Variants in MAU2 observed in about 807,000 individuals in gnomAD.
MAU2 encodes the protein MAU2 sister chromatid cohesion factor.
A neutral mutation model predicts 89.1 loss-of-function variants in MAU2; 9 were observed. The observed-to-expected ratio is 0.10, with a 90% CI of 0.06 to 0.18. MAU2 has a LOEUF of 0.18. Ranked by LOEUF, MAU2 falls within the 10% of genes least tolerant of loss-of-function variation. MAU2 has a pLI of 1.00. For synonymous variants in MAU2, 357 were observed against 343.4 expected, an observed-to-expected ratio of 1.04 and a Z score of -0.44; for missense variants, 425 against 803.5, an observed-to-expected ratio of 0.53 and a Z score of 5.69.
Position 19,356,464 on chromosome 19 carries a change from C to CGGTG in MAU2, c.*682_*683insGGTG. ...GCAGGTGATTGTAAACACGGGTGTG[C>CGGTG]ATGTGGATGCACACGGGTGTGCGGT... On this transcript the variant is annotated 3_prime_UTR_variant, in exon 19 of 19. Transcript: ENST00000262815. 1.3e-5 allele frequency: 3 copies of CGGTG among 228,370 alleles called. No individual in the cohort carries two copies. Among genetic ancestry groups the CGGTG allele is most frequent in the South Asian group, 5.4e-5 (1 of 18,670 alleles). 14.1% of individuals were successfully genotyped at this position (228,370 alleles called of 1,614,324 possible). A position where few individuals can be genotyped will look rare whatever the true frequency, so the allele number is the denominator to read the frequency against.
intron 1 of MAU2, among the ~76,000 whole-genome samples, chr19:19,326,719 TAC>T (rs1555792863): frequency 3.5e-5 from 1 of 28,644 alleles, no homozygotes; most frequent in Non-Finnish European, 1.1e-4. Context: ...TATATATATA[TAC>T]ATATATATAT....
rs752523449 is a variant in MAU2 at position 19,321,084 on chromosome 19, C to T, written c.225C>T (p.Leu75=). 3 of 1,611,130 alleles carry T rather than the reference C, an allele frequency of 1.9e-6. No homozygotes were observed. The highest frequency in any genetic ancestry group is 2.5e-6 in the Non-Finnish European group (3 of 1,178,966). Residue 75 remains leucine, a synonymous_variant, in exon 1 of 19, where the codon CTC becomes CTT. Transcript: ENST00000262815. ...CACACCTGCAGCTGGGCTCCGTTCT[C>T]TATCACCACACCAAGAACAGCGAGC... ...ARTHLQLGSV[L]YHHTKNSEQA...
At chr19:19,329,074 C>T (rs1324566885) in intron 1 of MAU2, 1 of 456,044 alleles carries the variant, frequency 2.2e-6, no homozygotes, top group Non-Finnish European at 4.4e-6. Context: ...ATCTATGGTT[C>T]ACTTTCTCAG....
At chr19:19,336,690 G>A (rs1205045404) in intron 3 of MAU2, among the ~76,000 whole-genome samples, 1 of 152,126 alleles carries the variant, frequency 6.6e-6, no homozygotes, top group Non-Finnish European at 1.5e-5. Flanking sequence ...TAAGACTGTT[G>A]GAAAGATCAG....
chr19:19,331,222 G>A (rs945219087), intron 1 of MAU2, among the ~76,000 whole-genome samples: 15 of 151,758 alleles, frequency 9.9e-5, no homozygotes, highest in African/African-American at 3.4e-4. Flanking sequence ...AAAAACACCC[G>A]GGCACGGTGG....
Position 19,335,705 on chromosome 19 carries a change from C to T in MAU2, c.277-13C>T. ...TTGCCTGAGAATTAATCGTTGTTTT[C>T]TTTCTTTTTCAGTGGTTGATATCAC... On this transcript the variant is annotated splice_polypyrimidine_tract_variant and intron_variant, in intron 1 of 18. Coordinates refer to ENST00000262815, the MANE Select transcript of MAU2 (RefSeq NM_015329.4). 6.2e-7 allele frequency: 1 copy of T among 1,614,154 alleles called. No individual in the cohort carries two copies. The highest frequency in any genetic ancestry group is 1.1e-5 in the South Asian group (1 of 91,086).
rs939400784 is a variant in MAU2, at chr19:19,356,338, C to T, written c.*556C>T. On this transcript the variant is annotated 3_prime_UTR_variant, in exon 19 of 19. Transcript: ENST00000262815. ...CCAGCTTTCTCTCCAGCATCAGTCC[C>T]TGCAGCAGCTGGGGCCTCTGGTCAG... The T allele has an allele frequency of 1.9e-5, 6 of 323,628 alleles. No individual in the cohort carries two copies. The highest frequency in any genetic ancestry group is 1.3e-4 in the African/African-American group (6 of 46,156). 20.0% of individuals were successfully genotyped at this position (323,628 alleles called of 1,614,324 possible). A position where few individuals can be genotyped will look rare whatever the true frequency, so the allele number is the denominator to read the frequency against.
At chr19:19,351,000 A>G (rs1330298665) in intron 16 of MAU2, among the ~76,000 whole-genome samples, 1 of 151,872 alleles carries the variant, frequency 6.6e-6, no homozygotes, top group Admixed American at 6.6e-5. Context: ...CAGGAGTTCA[A>G]GACCACCAGC....
intron 16 of MAU2, 173 bp from the exon 17 acceptor site, chr19:19,354,182 G>A (rs2048151181): frequency 4.7e-6 from 3 of 631,636 alleles, no homozygotes; most frequent in Non-Finnish European, 8.7e-6. Flanking sequence ...TTCAGAGAGG[G>A]CCATTTGAGA....
At position 19,320,854 on chromosome 19, in the gene MAU2, G is replaced by A. The variant is rs1305914057; in HGVS notation, c.-6G>A. 5.9e-6 allele frequency: 9 copies of A among 1,521,796 alleles called. No individual in the cohort carries two copies. Among genetic ancestry groups the A allele is most frequent in the Non-Finnish European group, 7.9e-6 (9 of 1,144,604 alleles). 94.3% of individuals were successfully genotyped at this position (1,521,796 alleles called of 1,614,324 possible). Reference sequence around the variant, plus strand: ...GTGGCGGCGGCTTGTTGTTGTGGAGGCCAAAATGGCGGCTCAGGCGGCGGC... The same window carrying A: ...GTGGCGGCGGCTTGTTGTTGTGGAGACCAAAATGGCGGCTCAGGCGGCGGC... On this transcript the variant is annotated 5_prime_UTR_variant, in exon 1 of 19. Transcript: ENST00000262815.
At chr19:19,323,331 A>G (rs2061478661) in intron 1 of MAU2, among the ~76,000 whole-genome samples, 1 of 151,796 alleles carries the variant, frequency 6.6e-6, no homozygotes, top group African/African-American at 2.4e-5. Context: ...AGTAGCTGGG[A>G]TTACAGGCTT....
chr19:19,333,047 A>G (rs998441222), intron 1 of MAU2, among the ~76,000 whole-genome samples: 1 of 152,022 alleles, frequency 6.6e-6, no homozygotes, highest in Admixed American at 6.6e-5. Flanking sequence ...ATTGCACTCC[A>G]GCCTGGGCAA....
At chr19:19,349,078 C>A in intron 14 of MAU2, 77 bp from the exon 15 acceptor site, 1 of 1,575,966 alleles carries the variant, frequency 6.3e-7, no homozygotes, top group Admixed American at 1.7e-5. Flanking sequence ...CAGAAATAGC[C>A]CCCAGCTGCC....
intron 1 of MAU2, among the ~76,000 whole-genome samples, chr19:19,329,782 A>ACCCTGT (rs1404574710): frequency 6.7e-6 from 1 of 150,312 alleles, no homozygotes; most frequent in African/African-American, 2.4e-5. Context: ...ACATAGCCAG[A>ACCCTGT]CCCTGTCTCT....
chr19:19,326,719 T>TAC (rs1555792863), intron 1 of MAU2, among the ~76,000 whole-genome samples: 1 of 28,644 alleles, frequency 3.5e-5, no homozygotes, highest in Non-Finnish European at 1.1e-4. Context: ...TATATATATA[T>TAC]ACATATATAT....
chr19:19,345,988 G>T lies in MAU2; in HGVS notation c.1221+619G>T, dbSNP rs1034346376. Among the ~76,000 whole-genome samples, 11 of 152,156 alleles carry T rather than the reference G, an allele frequency of 7.2e-5. No homozygotes were observed. The highest frequency in any genetic ancestry group is 2.7e-4 in the African/African-American group (11 of 41,426). ...GGCTGTGGACACCTTTTTCCTGGTGGTGCCAGGAAGGGCCCTGAGGAGAGG... is the reference window on the plus strand; with the variant it reads ...GGCTGTGGACACCTTTTTCCTGGTGTTGCCAGGAAGGGCCCTGAGGAGAGG... On this transcript the variant is annotated intron_variant, in intron 12 of 18. Transcript: ENST00000262815. This position sits in a 1 kb window ranked among gnomAD's most constrained non-coding sequence, Gnocchi z 4.9.
intron 13 of MAU2, chr19:19,348,638 C>T (rs938710977): frequency 3.2e-6 from 2 of 615,872 alleles, no homozygotes; most frequent in Non-Finnish European, 5.8e-6. Context: ...CATACAAAGG[C>T]CTTCTGGACG....
In MAU2 at chr19:19,345,784, G is replaced by A. The variant is rs1253464878; in HGVS notation, c.1221+415G>A. ...TCTCCCAGGTGCTCTTTGGACAGAG[G>A]AGGACTCTTGGTCCTGCTGGGCCGG... On this transcript the variant is annotated intron_variant, in intron 12 of 18. Coordinates refer to ENST00000262815, the MANE Select transcript of MAU2 (RefSeq NM_015329.4). The surrounding 1 kb of genome is among the most constrained non-coding windows in gnomAD (Gnocchi z 4.9). 6.6e-6 allele frequency among the ~76,000 whole-genome samples: 1 copy of A among 152,180 alleles called. No individual in the cohort carries two copies. The highest frequency in any genetic ancestry group is 1.5e-5 in the Non-Finnish European group (1 of 68,024).
chr19:19,338,374 C>T (rs1310349649), intron 4 of MAU2, among the ~76,000 whole-genome samples: 4 of 152,238 alleles, frequency 2.6e-5, no homozygotes, highest in African/African-American at 9.6e-5. Context: ...CACCACAGCC[C>T]CATAGGTATT....
Sources: allele counts gnomAD v4.1 joint callset (sites outside exome capture counted in the v4.1 genomes callset), GRCh38; gene constraint gnomAD v4.1.1; non-coding constraint Gnocchi (gnomAD v3.1); transcripts MANE v1.5; gene names NCBI Gene and HGNC (gene_info 2026-07-23, HGNC 2026-07-21).